Variants in CAMTA1 observed in about 807,000 individuals in gnomAD.
CAMTA1 encodes the protein calmodulin binding transcription activator 1.
A neutral mutation model predicts 170.9 loss-of-function variants in CAMTA1; 27 were observed. The observed-to-expected ratio is 0.16, with a 90% confidence interval of 0.12 to 0.22. The LOEUF is 0.22. CAMTA1 is among the 10% of genes least tolerant of loss of function. The probability of loss-of-function intolerance (pLI) is 1.00; values close to 1 mark genes in which losing one functional copy is unlikely to be tolerated. For missense variants in CAMTA1, 1,619 were observed against 2,217.2 expected, an observed-to-expected ratio of 0.73 and a Z score of 5.42; for synonymous variants, 833 against 891.5, an observed-to-expected ratio of 0.93 and a Z score of 1.17.
intron 6 of CAMTA1, among the ~76,000 whole-genome samples, chr1:7,546,760 T>C (rs985519145): frequency 3.3e-5 from 5 of 152,150 alleles, no homozygotes; most frequent in African/African-American, 1.2e-4. Flanking sequence ...ATCAGTGACG[T>C]TGAGCACTTT....
intron 6 of CAMTA1, among the ~76,000 whole-genome samples, chr1:7,611,216 TG>T (rs2095521804): frequency 6.6e-6 from 1 of 152,184 alleles, no homozygotes; most frequent in African/African-American, 2.4e-5. Context: ...GCCCACAGCC[TG>T]GGGGGCTGCT....
At chr1:7,412,531 G>A (rs571924953) in intron 5 of CAMTA1, among the ~76,000 whole-genome samples, 5 of 152,346 alleles carry the variant, frequency 3.3e-5, no homozygotes, top group African/African-American at 1.2e-4. Context: ...ATTGTTTCAT[G>A]TGTTTTTTGG....
At chr1:7,310,038 G>A (rs1412997102) in intron 5 of CAMTA1, among the ~76,000 whole-genome samples, 2 of 151,966 alleles carry the variant, frequency 1.3e-5, no homozygotes, top group South Asian at 4.1e-4. Flanking sequence ...CTTACTTCTG[G>A]TATCTAATTT....
intron 4 of CAMTA1, among the ~76,000 whole-genome samples, chr1:7,132,224 A>T (rs1645303262): frequency 6.6e-6 from 1 of 152,240 alleles, no homozygotes; most frequent in South Asian, 2.1e-4. Context: ...CTTTGAATGT[A>T]TAGGTGAATT....
intron 6 of CAMTA1, among the ~76,000 whole-genome samples, chr1:7,471,632 G>C (rs376860926): frequency 1.3e-5 from 2 of 152,258 alleles, no homozygotes; most frequent in South Asian, 4.1e-4. Context: ...GTGGGTCAGG[G>C]GAGGAGCAGG....
intron 11 of CAMTA1, among the ~76,000 whole-genome samples, chr1:7,728,637 T>C (rs1258901285): frequency 6.6e-6 from 1 of 152,190 alleles, no homozygotes; most frequent in African/African-American, 2.4e-5. Context: ...GGTTCCGAGA[T>C]CAATGGTTGT....
Position 6,987,168 on chromosome 1 carries a change from G to GTT in CAMTA1, c.235-104125_235-104124dup, listed in dbSNP as rs34352811. Among the ~76,000 whole-genome samples, 873 of 145,922 alleles carry GTT rather than the reference G, an allele frequency of 6.0e-3. 10 individuals are homozygous for GTT. The highest frequency in any genetic ancestry group is 0.018 in the African/African-American group (726 of 39,818). On this transcript the variant is annotated intron_variant, in intron 3 of 22. Transcript: ENST00000303635. ...AGGGCCCACCCTCAGAGACTGTTTT[G>GTT]TTTTTTTTTTTTGAGACAGAGTCTC...
chr1:7,470,191 C>G (rs183164102), intron 6 of CAMTA1, among the ~76,000 whole-genome samples: 11 of 152,330 alleles, frequency 7.2e-5, no homozygotes, highest in Non-Finnish European at 1.5e-5. Flanking sequence ...AGGGAGCGCA[C>G]ACAGGTGTAG....
At chr1:7,670,388 A>C (rs1365333015) in intron 9 of CAMTA1, among the ~76,000 whole-genome samples, 1 of 152,018 alleles carries the variant, frequency 6.6e-6, no homozygotes, top group African/African-American at 2.4e-5. Flanking sequence ...TCACCTTGCC[A>C]TCCCCACAGC....
rs115414514 is a variant in CAMTA1 at position 7,507,822 on chromosome 1, C to A, written c.510+39921C>A. ...AGCGGGCAGCCTCTGCCACCTGCGC[C>A]AGCCTCCTAACAAGCCTCCACCCCA... On this transcript the variant is annotated intron_variant, in intron 6 of 22. Coordinates refer to ENST00000303635, the MANE Select transcript of CAMTA1 (RefSeq NM_015215.4). 4.6e-3 allele frequency among the ~76,000 whole-genome samples: 698 copies of A among 152,332 alleles called. 2 individuals are homozygous for A. The highest frequency in any genetic ancestry group is 0.016 in the African/African-American group (647 of 41,588).
Position 7,251,267 on chromosome 1 carries a change from T to A in CAMTA1, c.438+1641T>A, listed in dbSNP as rs1420117273. 6.6e-6 allele frequency among the ~76,000 whole-genome samples: 1 copy of A among 152,202 alleles called. No homozygotes were observed. The highest frequency in any genetic ancestry group is 1.5e-5 in the Non-Finnish European group (1 of 68,028). On this transcript the variant is annotated intron_variant, in intron 5 of 22. Transcript: ENST00000303635. The surrounding 1 kb of genome is among the most constrained non-coding windows in gnomAD (Gnocchi z 5.1). ...AGAAAACAACCCACAGTGTTCGTTT[T>A]CTTTCCTCATGTTATAAATTAGAGT...
intron 6 of CAMTA1, among the ~76,000 whole-genome samples, chr1:7,556,557 G>A (rs989914604): frequency 1.3e-5 from 2 of 152,068 alleles, no homozygotes; most frequent in East Asian, 1.9e-4. Context: ...ACATCACCTC[G>A]CCAATTCAAC....
intron 6 of CAMTA1, among the ~76,000 whole-genome samples, chr1:7,615,282 A>G (rs2095551469): frequency 6.6e-6 from 1 of 152,214 alleles, no homozygotes; most frequent in Non-Finnish European, 1.5e-5. Flanking sequence ...AGCCGCTGGC[A>G]AGAAGGGCAA....
chr1:7,292,304 A>G (rs562548564), intron 5 of CAMTA1, among the ~76,000 whole-genome samples: 10 of 150,396 alleles, frequency 6.6e-5, no homozygotes, highest in Admixed American at 3.3e-4. Flanking sequence ...TTCAAAAGGG[A>G]AAAAAAAAGT....
At position 6,880,372 on chromosome 1, in the gene CAMTA1, C is replaced by T. The variant is rs532564026; in HGVS notation, c.234+55162C>T. On this transcript the variant is annotated intron_variant, in intron 3 of 22. Transcript: ENST00000303635. ...TACAGGCATGAGCCACCAGGCCCAGCCTCTAAAAGTGTTTTTTTTTTTTTT... is the reference window on the plus strand; with the variant it reads ...TACAGGCATGAGCCACCAGGCCCAGTCTCTAAAAGTGTTTTTTTTTTTTTT... Among the ~76,000 whole-genome samples, 3 of 147,950 alleles carry T rather than the reference C, an allele frequency of 2.0e-5. No homozygotes were observed. In the East Asian group the frequency reaches 5.9e-4, roughly 29 times the overall value.
At chr1:6,843,970 T>C (rs981647918) in intron 3 of CAMTA1, among the ~76,000 whole-genome samples, 6 of 152,230 alleles carry the variant, frequency 3.9e-5, no homozygotes, top group African/African-American at 1.4e-4. Flanking sequence ...TTTGGGAAAC[T>C]AGAATTATCT....
intron 6 of CAMTA1, among the ~76,000 whole-genome samples, chr1:7,536,803 C>T (rs1005613122): frequency 2.0e-5 from 3 of 151,956 alleles, no homozygotes; most frequent in Non-Finnish European, 4.4e-5. Flanking sequence ...CCGCTGCCTG[C>T]AGCCTGAAGC....
At chr1:6,860,448 TAA>T (rs1294125676) in intron 3 of CAMTA1, among the ~76,000 whole-genome samples, 1 of 152,232 alleles carries the variant, frequency 6.6e-6, no homozygotes, top group Non-Finnish European at 1.5e-5. Flanking sequence ...TACCATGTGC[TAA>T]GTTTCCACAA....
intron 4 of CAMTA1, among the ~76,000 whole-genome samples, chr1:7,103,559 A>AACACAAC (rs1643061705): frequency 3.4e-5 from 1 of 29,746 alleles, no homozygotes; most frequent in East Asian, 1.2e-3. Context: ...CACTACACAC[A>AACACAAC]TACACACAAC....
Sources: gnomAD v4.1 joint callset for allele counts (sites outside exome capture counted in the v4.1 genomes callset) on GRCh38, gnomAD v4.1.1 for gene constraint, Gnocchi (gnomAD v3.1) non-coding constraint, MANE v1.5 for transcripts, NCBI Gene and HGNC (gene_info 2026-07-23, HGNC 2026-07-21) for gene names.